SLC25A37: variants seen among roughly 807,000 people sequenced by gnomAD.
The protein encoded by SLC25A37 is solute carrier family 25 member 37.
A neutral mutation model predicts 31.0 loss-of-function variants in SLC25A37; 17 were observed. That is an observed-to-expected ratio of 0.55 (90% CI 0.38 to 0.82). The LOEUF (loss-of-function observed/expected upper bound fraction) is 0.82. SLC25A37 is among the 40% of genes least tolerant of loss of function. The probability of loss-of-function intolerance (pLI) is 0.00; values close to 1 mark genes in which losing one functional copy is unlikely to be tolerated. For synonymous variants in SLC25A37, 222 were observed against 193.0 expected (o/e 1.15, Z -1.24); for missense variants, 404 against 465.8 (o/e 0.87, Z 1.22).
At chr8:23,550,287 A>C (rs1802188921) in intron 1 of SLC25A37, among the ~76,000 whole-genome samples, 1 of 101,322 alleles carries the variant, frequency 9.9e-6, no homozygotes. Context: ...TTTATTGAGC[A>C]CGTGTTTTAG....
rs201691273 is a variant in SLC25A37 at position 23,529,222 on chromosome 8, G to C, written c.210+10G>C. 9 of 1,602,718 alleles carry C rather than the reference G, an allele frequency of 5.6e-6. No homozygotes were observed. Among genetic ancestry groups the C allele is most frequent in the Non-Finnish European group, 6.0e-6 (7 of 1,175,660 alleles). ...GGTGGACTCGGTGAAGGTGAGGCGC[G>C]GGGAGACTTCGGGGACGCAACGAGC... On this transcript the variant is annotated intron_variant, in intron 1 of 3. Transcript: ENST00000519973. The surrounding 1 kb of genome is among the most constrained non-coding windows in gnomAD (Gnocchi z 4.1).
In SLC25A37 at chr8:23,533,547, C is replaced by G. The variant is rs1463802120; in HGVS notation, c.210+4335C>G. ...GCAGCAGTGACCAGTCTTGGGGAAT[C>G]AGTTCCACTTTCTCTGTTTTTTAGT... On this transcript the variant is annotated intron_variant, in intron 1 of 3. Transcript: ENST00000519973. Among the ~76,000 whole-genome samples the G allele has an allele frequency of 2.0e-5, 3 of 152,176 alleles. No individual in the cohort carries two copies. The East Asian group carries it at 5.8e-4, about 29-fold the overall frequency.
chr8:23,549,114 A>G (rs962127892), intron 1 of SLC25A37, among the ~76,000 whole-genome samples: 8 of 152,130 alleles, frequency 5.3e-5, no homozygotes, highest in African/African-American at 1.7e-4. Context: ...TCTCTCCTCT[A>G]CTAGACTATA....
Position 23,571,994 on chromosome 8 carries a change from G to A in SLC25A37, c.*139G>A. The A allele has an allele frequency of 2.1e-6, 2 of 972,600 alleles. No homozygotes were observed. Among genetic ancestry groups the A allele is most frequent in the African/African-American group, 1.7e-5 (1 of 60,456 alleles). The allele number at this position is 972,600 out of a possible 1,614,324, so 60.2% of individuals were successfully genotyped here. On this transcript the variant is annotated 3_prime_UTR_variant, in exon 4 of 4. Transcript: ENST00000519973. ...CTGCTCCCCAATGCCTTAGAGAGAG[G>A]AGGGGACGGCACGGCCGCTCACCGG...
chr8:23,547,032 T>A (rs1802088002), intron 1 of SLC25A37, among the ~76,000 whole-genome samples: 1 of 152,160 alleles, frequency 6.6e-6, no homozygotes, highest in African/African-American at 2.4e-5. Flanking sequence ...AGAACTCTTG[T>A]TTTCAAATTC....
chr8:23,564,072 A>G (rs1178902790), intron 1 of SLC25A37, among the ~76,000 whole-genome samples: 1 of 152,082 alleles, frequency 6.6e-6, no homozygotes, highest in Non-Finnish European at 1.5e-5. Flanking sequence ...AGCATTAAAA[A>G]TGCCCTTTCT....
At chr8:23,566,750 G>C in intron 2 of SLC25A37, 1 of 994,758 alleles carries the variant, frequency 1.0e-6, no homozygotes. Flanking sequence ...CAGCTTCTTT[G>C]AGACTATTTA....
chr8:23,568,287 TC>T, intron 2 of SLC25A37, 34 bp from the exon 3 acceptor site: 1 of 1,612,942 alleles, frequency 6.2e-7, no homozygotes, highest in South Asian at 1.1e-5. Flanking sequence ...GAACACCCGA[TC>T]GCAGAGGGTA....
At chr8:23,566,477 T>C in intron 2 of SLC25A37, 141 bp downstream of exon 2, 1 of 1,458,144 alleles carries the variant, frequency 6.9e-7, no homozygotes, top group Non-Finnish European at 9.0e-7. Flanking sequence ...GTGTGTGCAA[T>C]GCACACCCAG....
intron 1 of SLC25A37, among the ~76,000 whole-genome samples, chr8:23,559,826 A>T (rs577603059): frequency 2.4e-4 from 36 of 152,300 alleles, no homozygotes; most frequent in African/African-American, 8.4e-4. Context: ...CCTGTGTCAG[A>T]ATTTTCTTTC....
intron 1 of SLC25A37, among the ~76,000 whole-genome samples, chr8:23,550,847 G>A (rs535579043): frequency 9.2e-5 from 14 of 152,338 alleles, no homozygotes; most frequent in Admixed American, 7.2e-4. Context: ...CCGCACCCAC[G>A]GGCTGGCGGG....
intron 1 of SLC25A37, among the ~76,000 whole-genome samples, chr8:23,556,359 C>T (rs7014619): frequency 0.48 from 72,774 of 151,256 alleles, 17,926 homozygotes; most frequent in African/African-American, 0.59. Context: ...TAGCTAAGAC[C>T]ACTGGCACCC....
chr8:23,568,376 A>T lies in SLC25A37; in HGVS notation c.494A>T (p.Glu165Val). 6.2e-7 allele frequency: 1 copy of T among 1,613,836 alleles called. No homozygotes were observed. The highest frequency in any genetic ancestry group is 8.5e-7 in the Non-Finnish European group (1 of 1,179,836). ...CACGATGCGGTAATGAATCCAGCAG[A>T]AGGTAATGTTTCATGGTCCCAGGGA... ...LLHDAVMNPA[E>V]VVKQRLQMYN... is the part of the protein sequence containing the mutation. Residue 165 changes from glutamate (E) to valine (V), a missense_variant and splice_region_variant, in exon 3 of 4, where the codon GAA becomes GTA. Glu to Val is a moderately radical substitution (Grantham distance 121, BLOSUM62 -2). Transcript: ENST00000519973.
At chr8:23,534,560 C>T (rs1269045827) in intron 1 of SLC25A37, among the ~76,000 whole-genome samples, 1 of 152,180 alleles carries the variant, frequency 6.6e-6, no homozygotes, top group Non-Finnish European at 1.5e-5. Context: ...CCCCTCTTTA[C>T]CGAATGTTTC....
Position 23,572,203 on chromosome 8 carries a change from T to TACAAA in SLC25A37, c.*349_*350insCAAAA, listed in dbSNP as rs1802873583. Reference sequence around the variant, plus strand: ...GAAAATTTGCAGTGACTGAAAACAGTAAAAAAAAAAAAAAAAAAAAAAAAA... The same window carrying TACAAA: ...GAAAATTTGCAGTGACTGAAAACAGTACAAAAAAAAAAAAAAAAAAAAAAAAAAAA... On this transcript the variant is annotated 3_prime_UTR_variant, in exon 4 of 4. Transcript: ENST00000519973. 1 of 85,756 alleles carries TACAAA rather than the reference T, an allele frequency of 1.2e-5. No homozygotes were observed. The highest frequency in any genetic ancestry group is 6.5e-5 in the African/African-American group (1 of 15,276). The allele number at this position is 85,756 out of a possible 1,614,324, so 5.3% of individuals were successfully genotyped here.
chr8:23,570,479 A>G (rs1802794306), intron 3 of SLC25A37, among the ~76,000 whole-genome samples: 2 of 152,156 alleles, frequency 1.3e-5, no homozygotes. Flanking sequence ...AAAATGCCCA[A>G]ATAAACATTC....
Position 23,556,702 on chromosome 8 carries a change from G to A in SLC25A37, c.211-9406G>A, listed in dbSNP as rs559376991. On this transcript the variant is annotated intron_variant, in intron 1 of 3. Transcript: ENST00000519973. ...TGTGTATTTATTTTTGCCAGTTTGG[G>A]AGATGTTAGAAAAAGACACGATTTG... 6.6e-5 allele frequency among the ~76,000 whole-genome samples: 10 copies of A among 152,156 alleles called. 1 individual carries two copies. In the South Asian group the frequency reaches 2.1e-3, roughly 32 times the overall value.
intron 1 of SLC25A37, among the ~76,000 whole-genome samples, chr8:23,564,126 C>T (rs2942197): frequency 0.28 from 41,786 of 151,860 alleles, 5,866 homozygotes; most frequent in African/African-American, 0.3. Flanking sequence ...GTGATTGTTG[C>T]TTATATTGTT....
At chr8:23,545,543 T>G (rs1021020600) in intron 1 of SLC25A37, among the ~76,000 whole-genome samples, 1 of 152,252 alleles carries the variant, frequency 6.6e-6, no homozygotes. Context: ...CTGTCCTCTC[T>G]ATTTGTGTGT....
Sources: allele counts gnomAD v4.1 joint callset (sites outside exome capture counted in the v4.1 genomes callset), GRCh38; gene constraint gnomAD v4.1.1; non-coding constraint Gnocchi (gnomAD v3.1); transcripts MANE v1.5; gene names NCBI Gene and HGNC (gene_info 2026-07-23, HGNC 2026-07-21).